MTMR3: variants seen among roughly 807,000 people sequenced by gnomAD.
The protein encoded by MTMR3 is myotubularin related protein 3, also known as phosphatidylinositol-3,5-bisphosphate 3-phosphatase MTMR3.
MTMR3 carries 32 observed loss-of-function variants against 132.4 expected under a neutral mutation model. The observed-to-expected ratio is 0.24, with a 90% CI of 0.18 to 0.32. MTMR3 has a LOEUF of 0.32. MTMR3 is among the 10% of genes least tolerant of loss of function. MTMR3 has a pLI of 1.00. For missense variants in MTMR3, 1,216 were observed against 1,489.6 expected, an observed-to-expected ratio of 0.82 and a Z score of 3.02; for synonymous variants, 556 against 550.3, an observed-to-expected ratio of 1.01 and a Z score of -0.14.
chr22:29,953,654 T>C lies in MTMR3; in HGVS notation c.-137-3382T>C, dbSNP rs114983343. Among the ~76,000 whole-genome samples, 1,464 of 152,348 alleles carry C rather than the reference T, an allele frequency of 9.6e-3. 28 individuals carry two copies. Among genetic ancestry groups the C allele is most frequent in the African/African-American group, 0.034 (1,401 of 41,584 alleles). ...ACTCCTTCAGGGTTATCTTTTACAA[T>C]GGACAAAATCCTGTCCATATGGGAC... On this transcript the variant is annotated intron_variant, in intron 1 of 19. Transcript: ENST00000401950.
chr22:29,989,616 T>C (rs2066921403), intron 6 of MTMR3: 1 of 152,186 alleles, frequency 6.6e-6, no homozygotes, highest in Non-Finnish European at 1.5e-5. Context: ...ATACTTCTCA[T>C]GTTGTGTTTG....
chr22:29,950,711 T>C (rs1398838678), intron 1 of MTMR3, among the ~76,000 whole-genome samples: 1 of 139,742 alleles, frequency 7.2e-6, no homozygotes, highest in Non-Finnish European at 1.7e-5. Context: ...CCTTATAAAA[T>C]TAGATTTTAA....
intron 2 of MTMR3, among the ~76,000 whole-genome samples, chr22:29,966,263 A>G (rs570441080): frequency 3.3e-4 from 50 of 152,308 alleles, no homozygotes; most frequent in African/African-American, 1.1e-3. Flanking sequence ...TGTCAATTAT[A>G]TAGAAAATTA....
At chr22:29,890,150 C>T (rs1027348748) in intron 1 of MTMR3, among the ~76,000 whole-genome samples, 4 of 151,840 alleles carry the variant, frequency 2.6e-5, no homozygotes, top group Non-Finnish European at 4.4e-5. Context: ...TCATGATCCA[C>T]CTGCCTCCGC....
rs1228239016 is a variant in MTMR3 at position 30,019,469 on chromosome 22, C to T, written c.1821-11C>T. The T allele has an allele frequency of 8.9e-6, 14 of 1,580,154 alleles. No individual in the cohort carries two copies. The highest frequency in any genetic ancestry group is 1.2e-5 in the Non-Finnish European group (14 of 1,166,534). ...CAAGATTTTCATTTCCCCCAAATTCCTTTCCTTTAGGCTACCAAAGACTAG... is the reference window on the plus strand; with the variant it reads ...CAAGATTTTCATTTCCCCCAAATTCTTTTCCTTTAGGCTACCAAAGACTAG... On this transcript the variant is annotated splice_polypyrimidine_tract_variant and intron_variant, in intron 16 of 19. Coordinates refer to ENST00000401950, the MANE Select transcript of MTMR3 (RefSeq NM_021090.4).
chr22:30,007,909 C>G lies in MTMR3; in HGVS notation c.886C>G (p.Leu296Val). Residue 296 changes from leucine to valine, a missense_variant, in exon 11 of 20, where the codon CTG (leucine) becomes GTG (valine). Coordinates refer to ENST00000401950, the MANE Select transcript of MTMR3 (RefSeq NM_021090.4). ...TCCCTCTGTGTCCCTAGATTCTTCT[C>G]TGTCAAATGCTTCAGGAGCAGAGAG... ...DLSDVEFDSS[L>V]SNASGAESLA... 1 of 1,613,704 alleles carries G rather than the reference C, an allele frequency of 6.2e-7. No individual in the cohort carries two copies. The highest frequency in any genetic ancestry group is 1.3e-5 in the African/African-American group (1 of 74,996).
Position 30,022,067 on chromosome 22 carries a change from C to G in MTMR3, c.3264C>G (p.Asn1088Lys). 6.2e-7 allele frequency: 1 copy of G among 1,614,230 alleles called. No homozygotes were observed. Among genetic ancestry groups the G allele is most frequent in the Non-Finnish European group, 8.5e-7 (1 of 1,180,040 alleles). Residue 1088 changes from asparagine to lysine, a missense_variant, in exon 18 of 20, where the codon AAC (asparagine) becomes AAG (lysine). By Grantham distance (94) the Asn-to-Lys change is moderately conservative. Around this residue, in one of 7 missense-constraint regions of MTMR3, gnomAD observed 852 missense variants for 852.0 expected, o/e 1.00. Coordinates refer to ENST00000401950, the MANE Select transcript of MTMR3 (RefSeq NM_021090.4). ...ACTCGGAAAGCAATCTGGATCAGAACTGTTTGTCTCGCTGCAGCACAGAGA... is the reference window on the plus strand; with the variant it reads ...ACTCGGAAAGCAATCTGGATCAGAAGTGTTTGTCTCGCTGCAGCACAGAGA... ...IPDSESNLDQ[N>K]CLSRCSTEIF...
chr22:30,019,446 A>G, intron 16 of MTMR3, 34 bp from the exon 17 acceptor site: 1 of 1,562,026 alleles, frequency 6.4e-7, no homozygotes, highest in South Asian at 1.1e-5. Flanking sequence ...ACAGTTTCCA[A>G]GATTTTCATT....
At chr22:30,007,047 A>G in intron 9 of MTMR3, 67 bp from the exon 10 acceptor site, 2 of 1,553,910 alleles carry the variant, frequency 1.3e-6, no homozygotes, top group Non-Finnish European at 1.8e-6. Flanking sequence ...GGCACTTAAA[A>G]TCTATTTTGT....
Position 30,007,891 on chromosome 22 carries a change from G to C in MTMR3, c.878-10G>C, listed in dbSNP as rs1039230694. 30 of 1,613,606 alleles carry C rather than the reference G, an allele frequency of 1.9e-5. No individual in the cohort carries two copies. Among genetic ancestry groups the C allele is most frequent in the Non-Finnish European group, 2.5e-5 (29 of 1,179,880 alleles). The stretch of plus-strand genomic sequence containing the variant: ...CTCATTTAGTATGCCCTCTCCCTCT[G>C]TGTCCCTAGATTCTTCTCTGTCAAA... On this transcript the variant is annotated splice_polypyrimidine_tract_variant and intron_variant, in intron 10 of 19. Coordinates refer to ENST00000401950, the MANE Select transcript of MTMR3 (RefSeq NM_021090.4).
rs1273636941 is a variant in MTMR3 at position 30,027,852 on chromosome 22, A to G, written c.*2051A>G. The G allele has an allele frequency of 6.6e-6, 1 of 152,340 alleles. No homozygotes were observed. Among genetic ancestry groups the G allele is most frequent in the African/African-American group, 2.4e-5 (1 of 41,440 alleles). 9.4% of individuals were successfully genotyped at this position (152,340 alleles called of 1,614,324 possible). On this transcript the variant is annotated 3_prime_UTR_variant, in exon 20 of 20. Coordinates refer to ENST00000401950, the MANE Select transcript of MTMR3 (RefSeq NM_021090.4). Reference sequence around the variant, plus strand: ...TAAAGCAAATAAAGTTGAGTGTTCCACATGGTAGCATTTGCTAACACTTCC... The same window carrying G: ...TAAAGCAAATAAAGTTGAGTGTTCCGCATGGTAGCATTTGCTAACACTTCC...
At chr22:29,973,812 T>C (rs905925585) in intron 3 of MTMR3, among the ~76,000 whole-genome samples, 4 of 152,150 alleles carry the variant, frequency 2.6e-5, no homozygotes, top group Admixed American at 6.5e-5. Context: ...TTGGTCAGGC[T>C]GGTCTCGAAC....
intron 1 of MTMR3, among the ~76,000 whole-genome samples, chr22:29,900,161 T>G (rs2064978003): frequency 6.6e-6 from 1 of 152,178 alleles, no homozygotes; most frequent in Non-Finnish European, 1.5e-5. Context: ...TACCTGTGTC[T>G]TTGTTAGGAG....
At chr22:30,022,183 T>A (rs763479107) in intron 18 of MTMR3, 44 bp downstream of exon 18, 1 of 1,490,538 alleles carries the variant, frequency 6.7e-7, no homozygotes, top group South Asian at 1.1e-5. Flanking sequence ...ATTTAACTGT[T>A]TTGTGGTTCT....
intron 1 of MTMR3, among the ~76,000 whole-genome samples, chr22:29,955,383 C>T (rs2066167790): frequency 6.6e-6 from 1 of 152,158 alleles, no homozygotes; most frequent in East Asian, 1.9e-4. Context: ...CATGCAAATA[C>T]TCAGGTAGAA....
intron 3 of MTMR3, 140 bp downstream of exon 3, chr22:29,971,202 T>C: frequency 1.3e-6 from 1 of 771,238 alleles, no homozygotes; most frequent in Non-Finnish European, 1.8e-6. Context: ...ATCTCTTGTG[T>C]CTTTTCTTTT....
chr22:29,998,210 T>C (rs1476263324), intron 7 of MTMR3: 1 of 152,288 alleles, frequency 6.6e-6, no homozygotes, highest in African/African-American at 2.4e-5. Flanking sequence ...TCAGAGATGA[T>C]TGTAAGGGTT....
At chr22:29,949,242 C>G (rs1177613321) in intron 1 of MTMR3, among the ~76,000 whole-genome samples, 2 of 146,270 alleles carry the variant, frequency 1.4e-5, no homozygotes, top group Non-Finnish European at 3.0e-5. Context: ...AATCCCAGCA[C>G]TTTGGGAGGC....
chr22:29,998,688 TTTG>T (rs1449327370), intron 7 of MTMR3, 70 bp from the exon 8 acceptor site: 7 of 931,122 alleles, frequency 7.5e-6, no homozygotes, highest in South Asian at 1.6e-5. Flanking sequence ...TGTATATTTC[TTTG>T]TTTTTATTCC....
Sources: allele counts gnomAD v4.1 joint callset (sites outside exome capture counted in the v4.1 genomes callset), GRCh38; gene constraint gnomAD v4.1.1; regional missense constraint gnomAD v4.1.1; transcripts MANE v1.5; gene names NCBI Gene and HGNC (gene_info 2026-07-23, HGNC 2026-07-21).